Variants in MFAP4 observed in about 807,000 individuals in gnomAD.
MFAP4 encodes the protein microfibril associated protein 4.
In MFAP4, 20 loss-of-function variants were observed where a neutral mutation model predicts 32.4. The observed-to-expected ratio is 0.62, with a 90% confidence interval of 0.43 to 0.90. The LOEUF (loss-of-function observed/expected upper bound fraction) is 0.90. Among genes scored for constraint, MFAP4 ranks in the 40% least tolerant of loss-of-function variants. The pLI is 0.00. For missense variants in MFAP4, 267 were observed against 329.5 expected (o/e 0.81, Z 1.47); for synonymous variants, 146 against 137.4 (o/e 1.06, Z -0.44).
Position 19,384,361 on chromosome 17 carries a change from G to A in MFAP4, c.*101C>T. Reference sequence around the variant, plus strand: ...CAAGGCCCCCTTGTAAGGAGTTGGTGCTCGGGAATCAGCAGAAGCATGCAT... The same window carrying A: ...CAAGGCCCCCTTGTAAGGAGTTGGTACTCGGGAATCAGCAGAAGCATGCAT... On this transcript the variant is annotated 3_prime_UTR_variant, in exon 6 of 6. Transcript: ENST00000299610. The A allele has an allele frequency of 7.2e-7, 1 of 1,382,550 alleles. No individual in the cohort carries two copies. Among genetic ancestry groups the A allele is most frequent in the Non-Finnish European group, 9.8e-7 (1 of 1,025,630 alleles). The allele number at this position is 1,382,550 out of a possible 1,614,324, so 85.6% of individuals were successfully genotyped here. A position where few individuals can be genotyped will look rare whatever the true frequency, so the allele number is the denominator to read the frequency against.
Position 19,387,143 on chromosome 17 carries a change from C to T in MFAP4, c.6+7G>A. The T allele has an allele frequency of 6.2e-7, 1 of 1,610,576 alleles. No homozygotes were observed. Among genetic ancestry groups the T allele is most frequent in the African/African-American group, 1.3e-5 (1 of 74,874 alleles). ...TGCTATGAGTCCCCCGACCCTGGGCCCCGTACCTTCATGCTGTCAGTTCTG... is the reference window on the plus strand; with the variant it reads ...TGCTATGAGTCCCCCGACCCTGGGCTCCGTACCTTCATGCTGTCAGTTCTG... On this transcript the variant is annotated splice_region_variant and intron_variant, in intron 1 of 5. Coordinates refer to ENST00000299610, the MANE Select transcript of MFAP4 (RefSeq NM_002404.3).
At position 19,385,351 on chromosome 17, in the gene MFAP4, G is replaced by A. The variant is rs1430987454; in HGVS notation, c.337+7C>T. On this transcript the variant is annotated splice_region_variant and intron_variant, in intron 4 of 5. Transcript: ENST00000299610. Reference sequence around the variant, plus strand: ...CAGCCCCTCAGCCCACCTGGTCCCTGCCTTACCCAGCCAGTACTCTCCATC... The same window carrying A: ...CAGCCCCTCAGCCCACCTGGTCCCTACCTTACCCAGCCAGTACTCTCCATC... The A allele has an allele frequency of 6.2e-7, 1 of 1,614,244 alleles. No homozygotes were observed.
intron 5 of MFAP4, 150 bp downstream of exon 5, chr17:19,384,949 C>G (rs1912970501): frequency 1.8e-6 from 2 of 1,126,698 alleles, no homozygotes; most frequent in Admixed American, 5.1e-5. Context: ...GAGGCCCAAG[C>G]TGGTTTGAGC....
Position 19,384,721 on chromosome 17 carries a change from GAGAA to G in MFAP4, c.521-16_521-13del. The G allele has an allele frequency of 6.2e-7, 1 of 1,613,814 alleles. No homozygotes were observed. The highest frequency in any genetic ancestry group is 8.5e-7 in the Non-Finnish European group (1 of 1,179,890). ...GGACAGGGAGTCACCTGGCAGAGGA[GAGAA>G]GGGTTGGGGCTGCTGAGGCAGGGAA... On this transcript the variant is annotated splice_polypyrimidine_tract_variant and intron_variant, in intron 5 of 5. Transcript: ENST00000299610.
chr17:19,385,679 C>T (rs1171855599), intron 3 of MFAP4, among the ~76,000 whole-genome samples: 1 of 152,180 alleles, frequency 6.6e-6, no homozygotes, highest in Non-Finnish European at 1.5e-5. Context: ...CTCTTCATAC[C>T]CAGTTTCGTA....
chr17:19,386,662 A>T, intron 2 of MFAP4, 98 bp downstream of exon 2: 1 of 1,386,954 alleles, frequency 7.2e-7, no homozygotes, highest in Non-Finnish European at 1.0e-6. Context: ...TGAGTCCTGC[A>T]GAGCTGGGGC....
chr17:19,385,567 G>T, intron 3 of MFAP4, 113 bp from the exon 4 acceptor site: 6 of 653,314 alleles, frequency 9.2e-6, no homozygotes, highest in Non-Finnish European at 1.6e-5. Flanking sequence ...TTTGTTAAAG[G>T]ACTGGGTTGG....
In MFAP4 at chr17:19,385,436, T is replaced by C; in HGVS notation, c.259A>G (p.Asn87Asp). The C allele has an allele frequency of 1.9e-6, 3 of 1,614,202 alleles. No homozygotes were observed. The highest frequency in any genetic ancestry group is 2.5e-6 in the Non-Finnish European group (3 of 1,180,022). ...CCGCGGAAGAAACTTACTGAGCCAT[T>C]GAATCTCTTCTGGAAAACCTGGAGC... ...GKWTVFQKRF[N>D]GSVSFFRGWN... Residue 87 changes from asparagine to aspartate, a missense_variant, in exon 4 of 6, where the codon AAT (asparagine) becomes GAT (aspartate). Asn to Asp is a conservative substitution (Grantham distance 23). Around this residue, in one of 3 missense-constraint regions of MFAP4, gnomAD observed 223 missense variants for 253.3 expected, o/e 0.88. Transcript: ENST00000299610.
intron 1 of MFAP4, 139 bp from the exon 2 acceptor site, chr17:19,386,977 G>GACC: frequency 4.4e-6 from 3 of 689,452 alleles, no homozygotes; most frequent in Non-Finnish European, 4.7e-6. Context: ...CCTCTTCCCT[G>GACC]CCCCCCCACC....
rs1912951060 is a variant in MFAP4, at chr17:19,384,569, A to G, written c.661T>C (p.Tyr221His). 1 of 1,614,062 alleles carries G rather than the reference A, an allele frequency of 6.2e-7. No homozygotes were observed. Reference protein sequence around the residue: ...SCHFANLNGFYLGGSHLSYAN... With the variant: ...SCHFANLNGFHLGGSHLSYAN... ...TAAGAGAGGTGGGAGCCACCTAGGT[A>G]GAAGCCATTGAGGTTGGCAAAGTGG... The change falls in exon 6 of 6, where the codon TAC becomes CAC. Residue 221 changes from tyrosine (Y) to histidine (H), a missense_variant. By Grantham distance (83) the Tyr-to-His change is moderately conservative (BLOSUM62 2). This residue lies in a region of MFAP4 where 25 missense variants were observed against 57.5 expected (regional missense o/e 0.43). Coordinates refer to ENST00000299610, the MANE Select transcript of MFAP4 (RefSeq NM_002404.3).
rs747542353 is a variant in MFAP4, at chr17:19,385,247, C to G, written c.372G>C (p.Gln124His). The change falls in exon 5 of 6, where the codon CAG (glutamine) becomes CAC (histidine). Residue 124 changes from glutamine to histidine, a missense_variant. Gln to His is a conservative substitution (Grantham distance 24, BLOSUM62 0). Coordinates refer to ENST00000299610, the MANE Select transcript of MFAP4 (RefSeq NM_002404.3). The stretch of plus-strand genomic sequence containing the variant: ...CCAAGTCCACTCGCAGCTCATACTT[C>G]TGCTTCAGTGTCAGGAGGTGCATGT... ...LQNMHLLTLK[Q>H]KYELRVDLED... The G allele has an allele frequency of 4.3e-6, 7 of 1,614,288 alleles. No homozygotes were observed. The highest frequency in any genetic ancestry group is 8.5e-7 in the Non-Finnish European group (1 of 1,180,046).
At chr17:19,385,556 G>T in intron 3 of MFAP4, 102 bp from the exon 4 acceptor site, 226 of 568,264 alleles carry the variant, frequency 4.0e-4, no homozygotes, top group Non-Finnish European at 5.7e-4. Flanking sequence ...GCTGTGGCCA[G>T]TTTGTTAAAG....
At chr17:19,385,553 C>T in intron 3 of MFAP4, 99 bp from the exon 4 acceptor site, 2 of 1,118,356 alleles carry the variant, frequency 1.8e-6, no homozygotes, top group South Asian at 1.3e-5. Context: ...GATGCTGTGG[C>T]CAGTTTGTTA....
rs531702875 is a variant in MFAP4, at chr17:19,387,076, C to T, written c.6+74G>A. 1.8e-4 allele frequency: 289 copies of T among 1,609,962 alleles called. No individual in the cohort carries two copies. The African/African-American group carries it at 2.4e-3, about 14-fold the overall frequency. ...AGAACTCCTTGTGCCTTCATAGTGC[C>T]CTCTGTGGCCAGGGGCCTCTGGAGT... On this transcript the variant is annotated intron_variant, in intron 1 of 5. Transcript: ENST00000299610.
At position 19,385,293 on chromosome 17, in the gene MFAP4, G is replaced by A. The variant is rs908138348; in HGVS notation, c.338-12C>T. The A allele has an allele frequency of 6.2e-7, 1 of 1,614,226 alleles. No homozygotes were observed. The highest frequency in any genetic ancestry group is 1.6e-4 in the Middle Eastern group (1 of 6,062). On this transcript the variant is annotated splice_polypyrimidine_tract_variant and intron_variant, in intron 4 of 5. Coordinates refer to ENST00000299610, the MANE Select transcript of MFAP4 (RefSeq NM_002404.3). ...CATGTTCTGCAGCCCTGGGGAGGAG[G>A]GGCAGCTGGTCAACAAGGACCTGGC...
chr17:19,386,559 G>A, intron 2 of MFAP4, 95 bp from the exon 3 acceptor site: 1 of 1,429,228 alleles, frequency 7.0e-7, no homozygotes, highest in Non-Finnish European at 9.6e-7. Context: ...CTGGGGCTGG[G>A]GGACTTTGAC....
At chr17:19,385,646 G>A (rs1350524389) in intron 3 of MFAP4, among the ~76,000 whole-genome samples, 192 bp from the exon 4 acceptor site, 1 of 152,200 alleles carries the variant, frequency 6.6e-6, no homozygotes, top group Non-Finnish European at 1.5e-5. Context: ...CCCCTGTGGA[G>A]CAGTTGCCAG....
At chr17:19,386,488 G>A (rs779950095) in intron 2 of MFAP4, 24 bp from the exon 3 acceptor site, 1 of 1,600,610 alleles carries the variant, frequency 6.2e-7, no homozygotes, top group Non-Finnish European at 8.5e-7. Flanking sequence ...CATGGGGACA[G>A]TGAGGAGAGT....
intron 1 of MFAP4, 139 bp from the exon 2 acceptor site, chr17:19,386,977 G>GTCCCCCCCCCCCCC: frequency 2.9e-6 from 2 of 689,456 alleles, no homozygotes; most frequent in Admixed American, 3.1e-5. Flanking sequence ...CCTCTTCCCT[G>GTCCCCCCCCCCCCC]CCCCCCCACC....
Sources: gnomAD v4.1 joint callset for allele counts (sites outside exome capture counted in the v4.1 genomes callset) on GRCh38, gnomAD v4.1.1 for gene constraint, gnomAD v4.1.1 regional missense constraint, MANE v1.5 for transcripts, NCBI Gene and HGNC (gene_info 2026-07-23, HGNC 2026-07-21) for gene names.